Variants in EGFLAM observed in about 807,000 individuals in gnomAD.
The protein encoded by EGFLAM is EGF like, fibronectin type III and laminin G domains.
Under a neutral mutation model 113.1 loss-of-function variants are expected in EGFLAM, and 79 were observed. The observed-to-expected ratio is 0.70, with a 90% CI of 0.58 to 0.84. The LOEUF (loss-of-function observed/expected upper bound fraction) is 0.84, where lower values mean the gene tolerates loss of function less well. Ranked by LOEUF, EGFLAM falls within the 40% of genes least tolerant of loss-of-function variation. EGFLAM has a pLI of 0.00. For missense variants in EGFLAM, 1,265 were observed against 1,291.6 expected (o/e 0.98, Z 0.32); for synonymous variants, 504 against 487.6 (o/e 1.03, Z -0.44).
intron 3 of EGFLAM, among the ~76,000 whole-genome samples, chr5:38,346,271 ATAATC>A (rs1286867849): frequency 6.6e-6 from 1 of 152,258 alleles, no homozygotes; most frequent in African/African-American, 2.4e-5. Flanking sequence ...TAAAGTAATA[ATAATC>A]TAGTTTCCAG....
chr5:38,258,968 C>T, intron 1 of EGFLAM, 117 bp downstream of exon 1: 1 of 1,106,114 alleles, frequency 9.0e-7, no homozygotes, highest in Non-Finnish European at 1.3e-6. Flanking sequence ...GTCTGCTTAA[C>T]TCGCTTCAGC....
chr5:38,464,148 A>G lies in EGFLAM; in HGVS notation c.*162A>G, dbSNP rs1743390788. ...TGAGAAACTGAGAACCAAGACAGGCATCCCTGGGTGGCCTTTCCTGCTGAC... is the reference window on the plus strand; with the variant it reads ...TGAGAAACTGAGAACCAAGACAGGCGTCCCTGGGTGGCCTTTCCTGCTGAC... On this transcript the variant is annotated 3_prime_UTR_variant, in exon 22 of 22. Transcript: ENST00000322350. The G allele has an allele frequency of 2.1e-6, 2 of 958,194 alleles. No individual in the cohort carries two copies. Among genetic ancestry groups the G allele is most frequent in the African/African-American group, 3.3e-5 (2 of 60,652 alleles). The allele number at this position is 958,194 out of a possible 1,614,324, so 59.4% of individuals were successfully genotyped here.
chr5:38,394,503 G>A (rs1240439648), intron 6 of EGFLAM, among the ~76,000 whole-genome samples: 1 of 151,584 alleles, frequency 6.6e-6, no homozygotes, highest in Non-Finnish European at 1.5e-5. Context: ...TGCGCCTCCC[G>A]GGTTCACGCC....
intron 8 of EGFLAM, 141 bp from the exon 9 acceptor site, chr5:38,407,664 G>T (rs1254899096): frequency 2.0e-5 from 12 of 605,596 alleles, no homozygotes; most frequent in Non-Finnish European, 3.2e-5. Context: ...GGTATAAAAA[G>T]TATAGAAAAG....
At chr5:38,377,433 C>T (rs1381687303) in intron 6 of EGFLAM, among the ~76,000 whole-genome samples, 2 of 152,152 alleles carry the variant, frequency 1.3e-5, no homozygotes. Context: ...CGTGAGCCAC[C>T]ACTCCCAGCC....
At chr5:38,284,666 C>A (rs185452722) in intron 1 of EGFLAM, among the ~76,000 whole-genome samples, 1 of 152,310 alleles carries the variant, frequency 6.6e-6, no homozygotes, top group Admixed American at 6.5e-5. Flanking sequence ...TGCTGAAATT[C>A]TCTTGTTTCC....
At chr5:38,284,307 G>A (rs1758096410) in intron 1 of EGFLAM, among the ~76,000 whole-genome samples, 1 of 152,144 alleles carries the variant, frequency 6.6e-6, no homozygotes, top group Non-Finnish European at 1.5e-5. Flanking sequence ...TTTAGAGCCA[G>A]GGTTAACAAA....
At chr5:38,261,040 G>A (rs539250935) in intron 1 of EGFLAM, among the ~76,000 whole-genome samples, 1 of 152,278 alleles carries the variant, frequency 6.6e-6, no homozygotes, top group South Asian at 2.1e-4. Context: ...GAGCGGTTCT[G>A]TCTTATTTGG....
intron 1 of EGFLAM, chr5:38,305,511 C>CA (rs1453369180): frequency 2.2e-6 from 1 of 452,400 alleles, no homozygotes; most frequent in South Asian, 1.6e-5. Flanking sequence ...ACAGAAGATC[C>CA]AATCCAGGAG....
chr5:38,327,114 G>A (rs913764679), intron 1 of EGFLAM, among the ~76,000 whole-genome samples: 3 of 152,078 alleles, frequency 2.0e-5, no homozygotes, highest in African/African-American at 4.8e-5. Flanking sequence ...GGTATTTTAC[G>A]CGGGTATATT....
At chr5:38,307,357 G>A (rs567618106) in intron 1 of EGFLAM, among the ~76,000 whole-genome samples, 1 of 152,296 alleles carries the variant, frequency 6.6e-6, no homozygotes, top group African/African-American at 2.4e-5. Flanking sequence ...ATTGAATCAT[G>A]GGGATGGTAT....
At position 38,412,631 on chromosome 5, in the gene EGFLAM, G is replaced by A. The variant is rs1741520453; in HGVS notation, c.1477G>A (p.Val493Met). ...GCTGCAGCTGAACAATGGCACCCCA[G>A]TGACAGGCCAGTCTCAGGTATGTAT... ...GLLQLNNGTP[V>M]TGQSQGQYSK... The change falls in exon 11 of 22, where the codon GTG becomes ATG. Residue 493 changes from valine (V) to methionine (M), a missense_variant. Coordinates refer to ENST00000322350, the MANE Select transcript of EGFLAM (RefSeq NM_152403.4). 1.9e-6 allele frequency: 3 copies of A among 1,614,094 alleles called. No homozygotes were observed. The highest frequency in any genetic ancestry group is 2.5e-6 in the Non-Finnish European group (3 of 1,180,028).
chr5:38,260,940 A>C (rs1162316525), intron 1 of EGFLAM, among the ~76,000 whole-genome samples: 2 of 152,164 alleles, frequency 1.3e-5, no homozygotes, highest in African/African-American at 4.8e-5. Context: ...TAGTATCCAT[A>C]TGGGAGTTTC....
chr5:38,411,470 C>T (rs1437891273), intron 10 of EGFLAM, among the ~76,000 whole-genome samples: 2 of 149,838 alleles, frequency 1.3e-5, no homozygotes, highest in African/African-American at 2.5e-5. Context: ...TAGCTACTAC[C>T]TTTCATTAAT....
chr5:38,314,826 G>A (rs1318641451), intron 1 of EGFLAM, among the ~76,000 whole-genome samples: 1 of 152,188 alleles, frequency 6.6e-6, no homozygotes, highest in Non-Finnish European at 1.5e-5. Context: ...CTACTGGGAA[G>A]GAGCTTGAAC....
At chr5:38,435,111 A>T in intron 15 of EGFLAM, 26 bp from the exon 16 acceptor site, 1 of 1,594,066 alleles carries the variant, frequency 6.3e-7, no homozygotes, top group East Asian at 2.2e-5. Context: ...AAGTCATACA[A>T]TGCTTTGTTT....
intron 6 of EGFLAM, among the ~76,000 whole-genome samples, chr5:38,395,086 C>T (rs1448160344): frequency 6.6e-6 from 1 of 151,922 alleles, no homozygotes; most frequent in Non-Finnish European, 1.5e-5. Context: ...GATTACAGGT[C>T]TGTGCCACCA....
rs752736075 is a variant in EGFLAM at position 38,258,835 on chromosome 5, G to T, written c.81G>T (p.Ala27=). 1.4e-5 allele frequency: 22 copies of T among 1,611,754 alleles called. No individual in the cohort carries two copies. The African/African-American group carries it at 2.8e-4, about 21-fold the overall frequency. The part of the protein sequence containing the change: ...SLGPGAVSLR[A]AIRKPGKVGP... Reference sequence around the variant, plus strand: ...GACCCGGCGCGGTGTCGCTCCGAGCGGCCATCCGAAAACCAGGTAATGCGC... The same window carrying T: ...GACCCGGCGCGGTGTCGCTCCGAGCTGCCATCCGAAAACCAGGTAATGCGC... The change falls in exon 1 of 22, where the codon GCG becomes GCT. Residue 27 remains alanine (A), a synonymous_variant. Transcript: ENST00000322350.
chr5:38,413,286 C>T (rs71621869), intron 11 of EGFLAM, among the ~76,000 whole-genome samples: 5,074 of 149,538 alleles, frequency 0.034, 135 homozygotes, highest in Admixed American at 0.081. Flanking sequence ...ACCTTGGCCT[C>T]CCAAAGTGCT....
Sources: allele counts gnomAD v4.1 joint callset (sites outside exome capture counted in the v4.1 genomes callset), GRCh38; gene constraint gnomAD v4.1.1; transcripts MANE v1.5; gene names NCBI Gene and HGNC (gene_info 2026-07-23, HGNC 2026-07-21).